RAB27B: variants seen among roughly 807,000 people sequenced by gnomAD.
RAB27B encodes the protein ras-related protein Rab-27B.
Under a neutral mutation model 24.6 loss-of-function variants are expected in RAB27B, and 15 were observed. That is an observed-to-expected ratio of 0.61 (90% CI 0.41 to 0.94). The LOEUF is 0.94. Ranked by LOEUF, RAB27B falls within the 40% of genes least tolerant of loss-of-function variation. RAB27B has a pLI of 0.00. For missense variants in RAB27B, 261 were observed against 266.8 expected, an observed-to-expected ratio of 0.98 and a Z score of 0.15; for synonymous variants, 105 against 92.5, an observed-to-expected ratio of 1.14 and a Z score of -0.78.
chr18:54,801,371 TAAA>T lies in RAB27B; in HGVS notation c.-19-76190_-19-76188del, dbSNP rs576614589. Among the ~76,000 whole-genome samples, 30 of 152,098 alleles carry T rather than the reference TAAA, an allele frequency of 2.0e-4. 1 individual carries two copies. The South Asian group carries it at 3.3e-3, about 17-fold the overall frequency. On this transcript the variant is annotated intron_variant, in intron 2 of 4. Coordinates refer to the RAB27B transcript ENST00000586570. The stretch of plus-strand genomic sequence containing the variant: ...TTCTAAAATTCATCTTCAACATTTA[TAAA>T]AAAAACTATAAAACTGATTTACAAC...
chr18:54,768,525 T>C (rs910314061), intron 2 of RAB27B, among the ~76,000 whole-genome samples: 6 of 152,158 alleles, frequency 3.9e-5, no homozygotes, highest in Non-Finnish European at 8.8e-5. Flanking sequence ...TGCCTCTTTA[T>C]TGTCATCACT....
intron 2 of RAB27B, among the ~76,000 whole-genome samples, chr18:54,806,817 T>C (rs1909805385): frequency 1.3e-5 from 2 of 152,292 alleles, no homozygotes; most frequent in Admixed American, 1.3e-4. Flanking sequence ...ACTTGCTCAA[T>C]ATCATACATA....
chr18:54,887,056 C>T (rs923674184), intron 4 of RAB27B, among the ~76,000 whole-genome samples: 5 of 95,258 alleles, frequency 5.2e-5, no homozygotes, highest in Admixed American at 1.2e-4. Flanking sequence ...CCTTACTTCC[C>T]TCCCTCCCTC....
upstream of RAB27B, among the ~76,000 whole-genome samples, chr18:54,824,596 T>C (rs1420846759): frequency 6.6e-6 from 1 of 152,154 alleles, no homozygotes; most frequent in Non-Finnish European, 1.5e-5. Context: ...GTGGAGGATC[T>C]CAGGGGTTAT....
At chr18:54,747,639 GTA>G (rs1910295108) in intron 2 of RAB27B, among the ~76,000 whole-genome samples, 1 of 152,136 alleles carries the variant, frequency 6.6e-6, no homozygotes, top group African/African-American at 2.4e-5. Context: ...CCACCTGCAT[GTA>G]TATGAGTTCA....
intron 2 of RAB27B, among the ~76,000 whole-genome samples, chr18:54,819,364 G>A (rs554289922): frequency 3.0e-4 from 44 of 148,154 alleles, no homozygotes; most frequent in African/African-American, 1.1e-3. Flanking sequence ...AATAAAAATT[G>A]ACTAGATCAT....
chr18:54,789,721 C>G (rs1169992370), intron 2 of RAB27B, among the ~76,000 whole-genome samples: 1 of 152,076 alleles, frequency 6.6e-6, no homozygotes, highest in East Asian at 1.9e-4. Flanking sequence ...CAAATAGTCT[C>G]TGTAATATAA....
intron 1 of RAB27B, among the ~76,000 whole-genome samples, chr18:54,870,805 T>G (rs1912432869): frequency 6.6e-6 from 1 of 152,216 alleles, no homozygotes. Flanking sequence ...CAGATATGTA[T>G]TGAATTATTT....
intron 2 of RAB27B, among the ~76,000 whole-genome samples, chr18:54,773,924 C>T (rs541064808): frequency 2.0e-5 from 3 of 152,268 alleles, no homozygotes; most frequent in South Asian, 4.1e-4. Flanking sequence ...ATGATCCACC[C>T]GCCTCGGCCT....
intron 1 of RAB27B, among the ~76,000 whole-genome samples, chr18:54,865,081 A>T: frequency 6.6e-6 from 1 of 152,194 alleles, no homozygotes; most frequent in Non-Finnish European, 1.5e-5. Context: ...ATAGAACAGT[A>T]CCTGATTAAA....
intron 2 of RAB27B, among the ~76,000 whole-genome samples, chr18:54,732,973 C>A (rs757828084): frequency 3.3e-5 from 5 of 152,162 alleles, no homozygotes; most frequent in Non-Finnish European, 7.4e-5. Flanking sequence ...TATTTTCATG[C>A]TTTAGATTAG....
chr18:54,822,279 G>GA (rs1187794704), intron 2 of RAB27B, among the ~76,000 whole-genome samples: 5 of 152,160 alleles, frequency 3.3e-5, no homozygotes, highest in African/African-American at 9.6e-5. Flanking sequence ...TTAGATGCCT[G>GA]AAAAAAATAC....
intron 2 of RAB27B, among the ~76,000 whole-genome samples, chr18:54,727,486 C>A (rs1326588423): frequency 6.6e-6 from 1 of 152,088 alleles, no homozygotes; most frequent in Non-Finnish European, 1.5e-5. Flanking sequence ...CAATTAAGGT[C>A]CATTCTCTTA....
intron 2 of RAB27B, among the ~76,000 whole-genome samples, chr18:54,804,241 G>A (rs528656752): frequency 6.6e-6 from 1 of 152,158 alleles, no homozygotes; most frequent in African/African-American, 2.4e-5. Context: ...CCAAATAACT[G>A]GTGGTATGGT....
chr18:54,841,724 A>C (rs1001777238), intron 1 of RAB27B, among the ~76,000 whole-genome samples: 2 of 152,220 alleles, frequency 1.3e-5, no homozygotes, highest in Non-Finnish European at 2.9e-5. Context: ...TGTAAACTAA[A>C]TGGCCAAAGT....
At chr18:54,797,354 A>C (rs1598911358) in intron 2 of RAB27B, among the ~76,000 whole-genome samples, 1 of 152,178 alleles carries the variant, frequency 6.6e-6, no homozygotes, top group South Asian at 2.1e-4. Flanking sequence ...GTGATACCCT[A>C]TCTCTACTAA....
At chr18:54,843,380 C>T (rs1182415980) in intron 1 of RAB27B, among the ~76,000 whole-genome samples, 1 of 151,516 alleles carries the variant, frequency 6.6e-6, no homozygotes, top group Admixed American at 6.6e-5. Flanking sequence ...TTAGCAGTGC[C>T]AGCCTATTCT....
At chr18:54,791,898 G>A (rs188781604) in intron 2 of RAB27B, among the ~76,000 whole-genome samples, 22 of 152,312 alleles carry the variant, frequency 1.4e-4, no homozygotes, top group African/African-American at 4.8e-4. Flanking sequence ...CAGGGCAGTC[G>A]GAGGAGAGTA....
At chr18:54,869,448 A>G (rs779740417) in intron 1 of RAB27B, among the ~76,000 whole-genome samples, 17 of 152,230 alleles carry the variant, frequency 1.1e-4, no homozygotes, top group Non-Finnish European at 2.1e-4. Context: ...TCCTTGAGCA[A>G]ATTTGGGTTT....
Sources: allele counts gnomAD v4.1 joint callset (sites outside exome capture counted in the v4.1 genomes callset), GRCh38; gene constraint gnomAD v4.1.1; transcripts MANE v1.5; gene names NCBI Gene and HGNC (gene_info 2026-07-23, HGNC 2026-07-21).